MARCHF1: variants seen among roughly 807,000 people sequenced by gnomAD.
The protein encoded by MARCHF1 is membrane associated ring-CH-type finger 1, also known as E3 ubiquitin-protein ligase MARCHF1.
A neutral mutation model predicts 54.2 loss-of-function variants in MARCHF1; 40 were observed. The ratio of observed to expected loss-of-function variants is 0.74; its 90% CI spans 0.57 to 0.96. The LOEUF (loss-of-function observed/expected upper bound fraction) is 0.96. MARCHF1 is among the 40% of genes least tolerant of loss of function. The pLI, the probability that MARCHF1 is intolerant of heterozygous loss-of-function variation, is 0.00. For missense variants in MARCHF1, 586 were observed against 656.5 expected (o/e 0.89, Z 1.17); for synonymous variants, 236 against 236.3 (o/e 1.00, Z 0.01).
At chr4:164,160,973 G>T (rs1490341335) in intron 1 of MARCHF1, among the ~76,000 whole-genome samples, 3 of 152,104 alleles carry the variant, frequency 2.0e-5, no homozygotes, top group African/African-American at 7.2e-5. Context: ...AGAATAACAT[G>T]ATAGTTTTTG....
intron 1 of MARCHF1, among the ~76,000 whole-genome samples, chr4:164,202,393 C>T (rs909061111): frequency 2.6e-5 from 4 of 151,918 alleles, no homozygotes; most frequent in South Asian, 2.1e-4. Flanking sequence ...GCAAAAGTGG[C>T]GTGAAATATG....
intron 1 of MARCHF1, among the ~76,000 whole-genome samples, chr4:164,270,436 T>C (rs1391887202): frequency 6.6e-6 from 1 of 152,210 alleles, no homozygotes; most frequent in East Asian, 1.9e-4. Context: ...CACCTTTTTA[T>C]CGTCTGTCTC....
At chr4:164,239,779 G>A (rs527991200) in intron 1 of MARCHF1, among the ~76,000 whole-genome samples, 2 of 152,030 alleles carry the variant, frequency 1.3e-5, no homozygotes, top group African/African-American at 4.8e-5. Flanking sequence ...TTTTAAGAGT[G>A]TATGTATATG....
rs554220733 is a variant in MARCHF1, at chr4:163,674,650, A to G, written c.162+26163T>C. Among the ~76,000 whole-genome samples the G allele has an allele frequency of 4.7e-3, 717 of 152,276 alleles. 3 individuals are homozygous for G. The highest frequency in any genetic ancestry group is 7.7e-3 in the Non-Finnish European group (527 of 68,010). ...GAGTAGCTGATACCTCCAGGGAAAC[A>G]GGGGCTCACAAATCAGACACTAGAT... is the stretch of plus-strand genomic sequence containing the variant. On this transcript the variant is annotated intron_variant, in intron 5 of 9. Coordinates refer to ENST00000514618, the MANE Select transcript of MARCHF1 (RefSeq NM_001394959.1).
chr4:164,014,957 C>G (rs2110952105), intron 2 of MARCHF1, among the ~76,000 whole-genome samples: 1 of 152,258 alleles, frequency 6.6e-6, no homozygotes, highest in Non-Finnish European at 1.5e-5. Context: ...CCATTTTCAG[C>G]ATTGGACAGA....
chr4:164,018,752 T>C (rs1453290581), intron 2 of MARCHF1, among the ~76,000 whole-genome samples: 3 of 152,206 alleles, frequency 2.0e-5, no homozygotes, highest in East Asian at 3.9e-4. Context: ...CTGCCTTTTA[T>C]TGCTACTTTT....
chr4:164,076,568 G>A (rs145038836), intron 2 of MARCHF1, among the ~76,000 whole-genome samples: 1 of 152,112 alleles, frequency 6.6e-6, no homozygotes, highest in Non-Finnish European at 1.5e-5. Context: ...ATAAATAAAG[G>A]GCATTCAAAC....
In MARCHF1 at chr4:164,269,499, G is replaced by A. The variant is rs543686883; in HGVS notation, c.-323+114371C>T. ...TATTTTCCTTACCTCAACCTCTTGGGATGCACTTATGATTCATCATAGCAC... is the reference window on the plus strand; with the variant it reads ...TATTTTCCTTACCTCAACCTCTTGGAATGCACTTATGATTCATCATAGCAC... On this transcript the variant is annotated intron_variant, in intron 1 of 9. Coordinates refer to ENST00000514618, the MANE Select transcript of MARCHF1 (RefSeq NM_001394959.1). Among the ~76,000 whole-genome samples the A allele has an allele frequency of 2.0e-4, 31 of 152,184 alleles. No individual in the cohort carries two copies. The South Asian group carries it at 6.2e-3, about 31-fold the overall frequency.
At chr4:163,666,026 G>A (rs1743520460) in intron 5 of MARCHF1, among the ~76,000 whole-genome samples, 1 of 152,058 alleles carries the variant, frequency 6.6e-6, no homozygotes, top group Non-Finnish European at 1.5e-5. Flanking sequence ...TTCTCCTGTG[G>A]GAAGTTGAAA....
At chr4:164,176,817 TGA>T (rs1384496693) in intron 1 of MARCHF1, among the ~76,000 whole-genome samples, 18 of 151,700 alleles carry the variant, frequency 1.2e-4, no homozygotes, top group Non-Finnish European at 2.4e-4. Context: ...GGAAACACAC[TGA>T]GTGTCTGAAA....
chr4:163,672,770 G>T (rs1004590322), intron 5 of MARCHF1, among the ~76,000 whole-genome samples: 1 of 152,172 alleles, frequency 6.6e-6, no homozygotes, highest in East Asian at 1.9e-4. Flanking sequence ...GGTGGGCAGG[G>T]TTGTCTTCTC....
intron 3 of MARCHF1, among the ~76,000 whole-genome samples, chr4:163,971,708 A>G (rs1752550622): frequency 6.6e-6 from 1 of 152,212 alleles, no homozygotes; most frequent in Admixed American, 6.5e-5. Context: ...AAGTAAATAC[A>G]ATAAAACAGA....
At chr4:164,189,809 G>T in intron 1 of MARCHF1, 1 of 1,584,860 alleles carries the variant, frequency 6.3e-7, no homozygotes, top group African/African-American at 1.3e-5. Flanking sequence ...TTCATCTTCT[G>T]GGTACATTTG....
chr4:163,933,098 G>A lies in MARCHF1; in HGVS notation c.-39+55403C>T, dbSNP rs80341690. The A allele has an allele frequency of 3.1e-4, 426 of 1,375,506 alleles. 1 individual carries two copies. In the African/African-American group the frequency reaches 5.1e-3, roughly 16 times the overall value. The allele number at this position is 1,375,506 out of a possible 1,614,324, so 85.2% of individuals were successfully genotyped here. On this transcript the variant is annotated intron_variant, in intron 3 of 9. Transcript: ENST00000514618. Reference sequence around the variant, plus strand: ...AGCTTGCCTGCACGCTGGCTAAAACGGCTTTTGATGAGGCCATTGCAGAAC... The same window carrying A: ...AGCTTGCCTGCACGCTGGCTAAAACAGCTTTTGATGAGGCCATTGCAGAAC...
intron 3 of MARCHF1, among the ~76,000 whole-genome samples, chr4:163,978,437 G>A (rs941260018): frequency 6.6e-5 from 10 of 152,064 alleles, no homozygotes; most frequent in East Asian, 5.8e-4. Context: ...TATTTTATCC[G>A]AGTAAATCTT....
intron 4 of MARCHF1, among the ~76,000 whole-genome samples, chr4:163,705,849 A>G (rs1744934704): frequency 2.0e-5 from 3 of 152,014 alleles, no homozygotes; most frequent in Non-Finnish European, 4.4e-5. Context: ...TTTGGTAGAA[A>G]AGGTGTTGAA....
At chr4:163,619,094 G>C (rs1468523266) in intron 5 of MARCHF1, among the ~76,000 whole-genome samples, 1 of 152,178 alleles carries the variant, frequency 6.6e-6, no homozygotes, top group Non-Finnish European at 1.5e-5. Flanking sequence ...AAGATGTTGA[G>C]TGAGGTGAGA....
intron 1 of MARCHF1, chr4:164,189,169 C>T (rs1731057372): frequency 3.5e-6 from 2 of 573,368 alleles, no homozygotes; most frequent in South Asian, 3.8e-5. Context: ...TGTCATGGAA[C>T]ATTTCATCAA....
In MARCHF1 at chr4:163,528,507, C is replaced by T; in HGVS notation, c.*241G>A. On this transcript the variant is annotated 3_prime_UTR_variant, in exon 10 of 10. Transcript: ENST00000514618. ...AGTAGTTCTTAATTGTCTTGGAAAT[C>T]ATTCTCTTGCAAACTTCACATTTCC... The T allele has an allele frequency of 2.2e-6, 1 of 460,624 alleles. No individual in the cohort carries two copies. Among genetic ancestry groups the T allele is most frequent in the African/African-American group, 2.0e-5 (1 of 50,554 alleles). 28.5% of individuals were successfully genotyped at this position (460,624 alleles called of 1,614,324 possible). A position where few individuals can be genotyped will look rare whatever the true frequency, so the allele number is the denominator to read the frequency against.
Sources: gnomAD v4.1 joint callset for allele counts (sites outside exome capture counted in the v4.1 genomes callset) on GRCh38, gnomAD v4.1.1 for gene constraint, MANE v1.5 for transcripts, NCBI Gene and HGNC (gene_info 2026-07-23, HGNC 2026-07-21) for gene names.